Variants in TRDN observed in about 807,000 individuals in gnomAD.
TRDN encodes triadin.
TRDN carries 161 observed loss-of-function variants against 149.7 expected under a neutral mutation model. The ratio of observed to expected loss-of-function variants is 1.08; its 90% CI spans 0.95 to 1.23. The LOEUF is 1.23. TRDN is among the 50% of genes most tolerant of loss of function. TRDN has a pLI of 0.00. For missense variants in TRDN, 896 were observed against 823.5 expected (o/e 1.09, Z -1.08); for synonymous variants, 294 against 250.5 (o/e 1.17, Z -1.64).
At chr6:123,401,374 A>G (rs1292220144) in intron 12 of TRDN, among the ~76,000 whole-genome samples, 1 of 152,226 alleles carries the variant, frequency 6.6e-6, no homozygotes, top group African/African-American at 2.4e-5. Context: ...TGGTACACTT[A>G]GTCCTCAGAT....
intron 1 of TRDN, among the ~76,000 whole-genome samples, chr6:123,603,782 C>T (rs7760343): frequency 0.53 from 80,986 of 151,878 alleles, 22,045 homozygotes; most frequent in Admixed American, 0.64. Context: ...TTTGCAATCA[C>T]TTCGTAAAAG....
intron 12 of TRDN, among the ~76,000 whole-genome samples, chr6:123,432,413 A>T: frequency 6.7e-6 from 1 of 149,840 alleles, no homozygotes; most frequent in East Asian, 1.9e-4. Context: ...TAAATATCAC[A>T]GCACCTGTGG....
In TRDN at chr6:123,455,690, C is replaced by A. The variant is rs544476556; in HGVS notation, c.931+9216G>T. ...GACTTTTGGAAATTCCTAAAAAACT[C>A]TTTTAAATTTTTATGCAGAATCATT... On this transcript the variant is annotated intron_variant, in intron 10 of 40. Coordinates refer to ENST00000334268, the MANE Select transcript of TRDN (RefSeq NM_006073.4). 3.3e-5 allele frequency among the ~76,000 whole-genome samples: 5 copies of A among 152,148 alleles called. No individual in the cohort carries two copies. The South Asian group carries it at 1.0e-3, about 32-fold the overall frequency.
intron 9 of TRDN, among the ~76,000 whole-genome samples, chr6:123,496,227 T>G (rs540275642): frequency 6.6e-6 from 1 of 150,786 alleles, no homozygotes; most frequent in Non-Finnish European, 1.5e-5. Flanking sequence ...ATTATTTAAC[T>G]AGAATAAATT....
Position 123,223,669 on chromosome 6 carries a change from ATTT to A in TRDN, c.2014+421_2014+423del, listed in dbSNP as rs1562217437. Among the ~76,000 whole-genome samples the A allele has an allele frequency of 8.5e-3, 917 of 108,374 alleles. 5 individuals are homozygous for A. The highest frequency in any genetic ancestry group is 0.026 in the African/African-American group (864 of 33,036). The allele number at this position is 108,374 out of a possible 152,430, so 71.1% of individuals were successfully genotyped here. A position where few individuals can be genotyped will look rare whatever the true frequency, so the allele number is the denominator to read the frequency against. ...GTGCAGGGGTTGAGTCCAGCCTTCCATTTCTTCCTTCCTTCCTTCCTTCCTTCC... is the reference window on the plus strand; with the variant it reads ...GTGCAGGGGTTGAGTCCAGCCTTCCACTTCCTTCCTTCCTTCCTTCCTTCC... On this transcript the variant is annotated intron_variant, in intron 39 of 40. Transcript: ENST00000334268.
intron 20 of TRDN, among the ~76,000 whole-genome samples, chr6:123,359,066 C>G (rs1021231957): frequency 1.3e-5 from 2 of 152,060 alleles, no homozygotes; most frequent in Non-Finnish European, 1.5e-5. Context: ...AGGTCATTGA[C>G]TGAAACATTG....
chr6:123,599,164 T>C (rs1289729946), intron 1 of TRDN, among the ~76,000 whole-genome samples: 1 of 152,124 alleles, frequency 6.6e-6, no homozygotes, highest in Non-Finnish European at 1.5e-5. Flanking sequence ...TATTCTTACA[T>C]ATAAATATGG....
chr6:123,498,584 G>T (rs1157385197), intron 8 of TRDN: 1 of 470,972 alleles, frequency 2.1e-6, no homozygotes, highest in Non-Finnish European at 4.4e-6. Context: ...TCCATGCATT[G>T]ATTTGCCCTT....
At chr6:123,292,926 G>A (rs75667535) in intron 24 of TRDN, among the ~76,000 whole-genome samples, 3,499 of 152,172 alleles carry the variant, frequency 0.023, 143 homozygotes, top group African/African-American at 0.08. Context: ...CCAATCCCTT[G>A]GGAAACATCT....
At chr6:123,316,670 G>C (rs954884644) in intron 23 of TRDN, among the ~76,000 whole-genome samples, 175 bp from the exon 24 acceptor site, 1 of 151,498 alleles carries the variant, frequency 6.6e-6, no homozygotes, top group Admixed American at 6.6e-5. Flanking sequence ...ATGTATCTTT[G>C]GTAAATTATA....
At chr6:123,289,035 GTGTA>G (rs1259449545) in intron 24 of TRDN, among the ~76,000 whole-genome samples, 1 of 147,370 alleles carries the variant, frequency 6.8e-6, no homozygotes, top group African/African-American at 2.5e-5. Context: ...GTGTGTGTGT[GTGTA>G]TATATATATA....
At chr6:123,333,172 A>G (rs941166247) in intron 22 of TRDN, among the ~76,000 whole-genome samples, 4 of 152,072 alleles carry the variant, frequency 2.6e-5, no homozygotes, top group Non-Finnish European at 4.4e-5. Flanking sequence ...TGGCTAAGCC[A>G]AAAGGATTAA....
intron 4 of TRDN, among the ~76,000 whole-genome samples, chr6:123,539,583 T>C (rs1780724339): frequency 6.6e-6 from 1 of 152,210 alleles, no homozygotes; most frequent in Admixed American, 6.5e-5. Flanking sequence ...TACCTCCTTG[T>C]TGCATTCATT....
At chr6:123,316,350 G>A (rs1779020401) in intron 24 of TRDN, 107 bp downstream of exon 24, 1 of 1,034,658 alleles carries the variant, frequency 9.7e-7, no homozygotes, top group African/African-American at 1.6e-5. Flanking sequence ...TTAATGTTTT[G>A]GATGTCTAAA....
chr6:123,472,418 C>G (rs1178505844), intron 9 of TRDN, among the ~76,000 whole-genome samples: 1 of 152,234 alleles, frequency 6.6e-6, no homozygotes, highest in African/African-American at 2.4e-5. Context: ...CCACACCTGG[C>G]TCGGAGGGTC....
intron 10 of TRDN, among the ~76,000 whole-genome samples, chr6:123,450,738 G>C (rs1562320427): frequency 6.6e-6 from 1 of 151,922 alleles, no homozygotes; most frequent in Admixed American, 6.6e-5. Context: ...ACTATATCTT[G>C]GAACAACTGG....
At chr6:123,384,941 A>G (rs1781851334) in intron 14 of TRDN, among the ~76,000 whole-genome samples, 1 of 152,166 alleles carries the variant, frequency 6.6e-6, no homozygotes, top group Non-Finnish European at 1.5e-5. Context: ...AGCTTAAAAC[A>G]TTACAAAGGC....
At chr6:123,610,567 A>G (rs1293620964) in intron 1 of TRDN, among the ~76,000 whole-genome samples, 1 of 152,188 alleles carries the variant, frequency 6.6e-6, no homozygotes, top group Admixed American at 6.6e-5. Flanking sequence ...AGAGATATCT[A>G]TTAAATAATC....
At chr6:123,482,800 AC>A (rs1178455585) in intron 9 of TRDN, among the ~76,000 whole-genome samples, 1 of 152,112 alleles carries the variant, frequency 6.6e-6, no homozygotes, top group Non-Finnish European at 1.5e-5. Context: ...AGAGCTCATT[AC>A]CCAAACACTG....
Sources: allele counts gnomAD v4.1 joint callset (sites outside exome capture counted in the v4.1 genomes callset), GRCh38; gene constraint gnomAD v4.1.1; transcripts MANE v1.5; gene names NCBI Gene and HGNC (gene_info 2026-07-23, HGNC 2026-07-21).